Variants in PMPCB observed in about 807,000 individuals in gnomAD.
PMPCB encodes peptidase, mitochondrial processing subunit beta.
In PMPCB, 46 loss-of-function variants were observed where a neutral mutation model predicts 61.5. The observed-to-expected ratio is 0.75, with a 90% CI of 0.59 to 0.96. The LOEUF (loss-of-function observed/expected upper bound fraction) is 0.96, where lower values mean the gene tolerates loss of function less well. Ranked by LOEUF, PMPCB falls within the 40% of genes least tolerant of loss-of-function variation. The pLI is 0.00. For synonymous variants in PMPCB, 191 were observed against 201.6 expected (o/e 0.95, Z 0.44); for missense variants, 590 against 602.4 (o/e 0.98, Z 0.22).
rs189022288 is a variant in PMPCB at position 103,306,842 on chromosome 7, A to G, written c.737-754A>G. On this transcript the variant is annotated intron_variant, in intron 6 of 12. Coordinates refer to ENST00000249269, the MANE Select transcript of PMPCB (RefSeq NM_004279.3). The stretch of plus-strand genomic sequence containing the variant: ...GTGATCTCAGCTCACTGCAAACTCC[A>G]CCTCCTAGATTCAAGCAGTTCTCCT... Among the ~76,000 whole-genome samples, 573 of 151,552 alleles carry G rather than the reference A, an allele frequency of 3.8e-3. 4 individuals carry two copies. Among genetic ancestry groups the G allele is most frequent in the African/African-American group, 0.014 (564 of 41,260 alleles).
the PMPCB span, chr7:103,337,692 C>G: frequency 6.9e-7 from 1 of 1,452,850 alleles, no homozygotes; most frequent in African/African-American, 1.4e-5. Context: ...CCAGCCTGTT[C>G]CTATACAAGA....
At chr7:103,332,251 C>A (rs926200140), downstream of PMPCB, among the ~76,000 whole-genome samples, 1 of 152,130 alleles carries the variant, frequency 6.6e-6, no homozygotes, top group African/African-American at 2.4e-5. Flanking sequence ...ATGATCCGCC[C>A]GCCTTGGCCT....
At chr7:103,330,291 TA>T (rs1299503479), downstream of PMPCB, among the ~76,000 whole-genome samples, 3 of 152,138 alleles carry the variant, frequency 2.0e-5, no homozygotes, top group African/African-American at 7.2e-5. Context: ...TTTGTTATTT[TA>T]TTTTTTTTTT....
the PMPCB span, among the ~76,000 whole-genome samples, chr7:103,334,875 C>A: frequency 6.6e-6 from 1 of 152,120 alleles, no homozygotes; most frequent in African/African-American, 2.4e-5. Flanking sequence ...CCTCTGTCAC[C>A]CAGGCTGGAG....
chr7:103,300,184 A>C lies in PMPCB; in HGVS notation c.334A>C (p.Lys112Gln). ...FLEHMAFKGT[K>Q]KRSQLDLELE... is the part of the protein sequence containing the mutation. ...TTTCCTCTTTTATTTCAAGGGCACC[A>C]AGAAGAGATCCCAGTTAGATCTGGA... Residue 112 changes from lysine (K) to glutamine (Q), a missense_variant, in exon 4 of 13, where the codon AAG (lysine) becomes CAG (glutamine). Lys to Gln is a moderately conservative substitution (Grantham distance 53). Transcript: ENST00000249269. 2 of 1,610,878 alleles carry C rather than the reference A, an allele frequency of 1.2e-6. No homozygotes were observed. Among genetic ancestry groups the C allele is most frequent in the Non-Finnish European group, 1.7e-6 (2 of 1,178,900 alleles).
chr7:103,297,641 C>G, intron 1 of PMPCB, 83 bp downstream of exon 1: 1 of 1,585,188 alleles, frequency 6.3e-7, no homozygotes, highest in Admixed American at 1.8e-5. Context: ...GCCACAGATC[C>G]GAACAGTGGG....
rs1336441122 is a variant in PMPCB, at chr7:103,298,724, A to G, written c.240+16A>G. The G allele has an allele frequency of 8.1e-6, 13 of 1,610,108 alleles. No individual in the cohort carries two copies. The Middle Eastern group carries it at 6.6e-4, about 82-fold the overall frequency. ...AACATGCACAGTAAGTGACTCAGGC[A>G]ACCTTCTCTAAGTGACCCTTCATTT... On this transcript the variant is annotated intron_variant, in intron 2 of 12. Transcript: ENST00000249269.
the PMPCB span, among the ~76,000 whole-genome samples, chr7:103,340,180 GCTGC>G: frequency 2.6e-4 from 40 of 152,148 alleles, no homozygotes; most frequent in African/African-American, 8.9e-4. Flanking sequence ...GGAAGAATAC[GCTGC>G]CTGATGTTTA....
At chr7:103,331,441 G>C (rs1267362756), downstream of PMPCB, among the ~76,000 whole-genome samples, 1 of 152,092 alleles carries the variant, frequency 6.6e-6, no homozygotes. Context: ...CTCTGCTACA[G>C]AACACTGGGA....
At chr7:103,307,866 G>A (rs1373375001) in intron 7 of PMPCB, among the ~76,000 whole-genome samples, 158 bp downstream of exon 7, 7 of 152,134 alleles carry the variant, frequency 4.6e-5, no homozygotes, top group African/African-American at 7.2e-5. Context: ...TTCCTCTTCC[G>A]TATTCTTTAA....
chr7:103,305,720 A>G (rs902346863), intron 6 of PMPCB, among the ~76,000 whole-genome samples: 1 of 152,258 alleles, frequency 6.6e-6, no homozygotes, highest in Non-Finnish European at 1.5e-5. Context: ...AGATGAAAAC[A>G]TTAAATATCA....
chr7:103,317,250 A>G (rs1196382894), downstream of PMPCB: 8 of 453,760 alleles, frequency 1.8e-5, no homozygotes, highest in Non-Finnish European at 2.7e-5. Context: ...CCCAGTACTC[A>G]TGTCATGTGA....
intron 4 of PMPCB, among the ~76,000 whole-genome samples, chr7:103,302,947 TTA>T (rs1266808074): frequency 2.0e-5 from 3 of 152,170 alleles, no homozygotes; most frequent in Non-Finnish European, 1.5e-5. Context: ...AAATTTAGAT[TTA>T]TGATTGCAAC....
the PMPCB span, chr7:103,337,866 T>A: frequency 2.5e-5 from 32 of 1,272,470 alleles, no homozygotes; most frequent in Admixed American, 3.6e-5. Flanking sequence ...ATATATTCCA[T>A]CCCTTGTGTT....
chr7:103,314,625 T>C lies in PMPCB; in HGVS notation c.*2354T>C, dbSNP rs1400430184. The C allele has an allele frequency of 1.0e-6, 1 of 985,246 alleles. No individual in the cohort carries two copies. The highest frequency in any genetic ancestry group is 1.7e-5 in the African/African-American group (1 of 57,246). 61.0% of individuals were successfully genotyped at this position (985,246 alleles called of 1,614,324 possible). A position where few individuals can be genotyped will look rare whatever the true frequency, so the allele number is the denominator to read the frequency against. On this transcript the variant is annotated 3_prime_UTR_variant, in exon 13 of 13. Coordinates refer to ENST00000249269, the MANE Select transcript of PMPCB (RefSeq NM_004279.3). ...CCTTTATAAAGAAGTGTCTTTCAGGTGTTCTGAAACCCTGCCTTGTTACTT... is the reference window on the plus strand; with the variant it reads ...CCTTTATAAAGAAGTGTCTTTCAGGCGTTCTGAAACCCTGCCTTGTTACTT...
At chr7:103,321,601 A>G (rs1400612681) in intron 12 of PMPCB, among the ~76,000 whole-genome samples, 1 of 152,066 alleles carries the variant, frequency 6.6e-6, no homozygotes, top group Non-Finnish European at 1.5e-5. Context: ...TAGTCCCAGC[A>G]CTTTGGGAGG....
At chr7:103,324,480 AC>A in intron 12 of PMPCB, 1 of 1,490,696 alleles carries the variant, frequency 6.7e-7, no homozygotes, top group Non-Finnish European at 9.0e-7. Context: ...ATATTCACTT[AC>A]CAGAAAGAAT....
downstream of PMPCB, chr7:103,317,409 A>T (rs773943512): frequency 6.0e-6 from 1 of 165,806 alleles, no homozygotes; most frequent in Non-Finnish European, 1.3e-5. Context: ...AGGCATAGCA[A>T]AATGGCCTCT....
chr7:103,307,208 TTAGA>T (rs1486443371), intron 6 of PMPCB, among the ~76,000 whole-genome samples: 4 of 152,226 alleles, frequency 2.6e-5, no homozygotes, highest in African/African-American at 2.4e-5. Context: ...TTTTTAAAAA[TTAGA>T]TAGAGCCCAT....
Sources: allele counts gnomAD v4.1 joint callset (sites outside exome capture counted in the v4.1 genomes callset), GRCh38; gene constraint gnomAD v4.1.1; transcripts MANE v1.5; gene names NCBI Gene and HGNC (gene_info 2026-07-23, HGNC 2026-07-21).